SMARCC1: variants seen among roughly 807,000 people sequenced by gnomAD.
SMARCC1 encodes the protein SWI/SNF complex subunit SMARCC1.
SMARCC1 carries 43 observed loss-of-function variants against 147.4 expected under a neutral mutation model. The ratio of observed to expected loss-of-function variants is 0.29; its 90% confidence interval spans 0.23 to 0.38. The LOEUF is 0.38. Ranked by LOEUF, SMARCC1 falls within the 10% of genes least tolerant of loss-of-function variation. The probability of loss-of-function intolerance (pLI) is 1.00; values close to 1 mark genes in which losing one functional copy is unlikely to be tolerated. For missense variants in SMARCC1, 1,119 were observed against 1,381.1 expected, an observed-to-expected ratio of 0.81 and a Z score of 3.01; for synonymous variants, 495 against 484.4, an observed-to-expected ratio of 1.02 and a Z score of -0.29.
chr3:47,780,172 T>TTG (rs1553693489), intron 1 of SMARCC1, among the ~76,000 whole-genome samples: 14 of 134,234 alleles, frequency 1.0e-4, no homozygotes, highest in African/African-American at 1.6e-4. Flanking sequence ...TTTTTTGTTT[T>TTG]TTTTTTTTTT....
intron 2 of SMARCC1, among the ~76,000 whole-genome samples, chr3:47,765,410 T>A (rs955798357): frequency 6.6e-6 from 1 of 152,090 alleles, no homozygotes; most frequent in Non-Finnish European, 1.5e-5. Flanking sequence ...TATAATTATT[T>A]AAGTCAAAAT....
At chr3:47,752,505 G>C (rs1471773182) in intron 2 of SMARCC1, among the ~76,000 whole-genome samples, 1 of 152,158 alleles carries the variant, frequency 6.6e-6, no homozygotes, top group African/African-American at 2.4e-5. Context: ...TAAAAAGGCA[G>C]CCGGATGCAG....
At chr3:47,701,694 A>C in intron 10 of SMARCC1, 1 of 323,966 alleles carries the variant, frequency 3.1e-6, no homozygotes, top group Non-Finnish European at 5.8e-6. Context: ...GGCGCCTGTA[A>C]TCCCATCTGC....
At chr3:47,710,403 C>G (rs2034069902) in intron 9 of SMARCC1, among the ~76,000 whole-genome samples, 1 of 152,088 alleles carries the variant, frequency 6.6e-6, no homozygotes, top group African/African-American at 2.4e-5. Flanking sequence ...TATTACACTT[C>G]AGATCTAGTG....
chr3:47,743,092 C>T (rs2106837460), intron 3 of SMARCC1, among the ~76,000 whole-genome samples: 1 of 152,228 alleles, frequency 6.6e-6, no homozygotes, highest in East Asian at 1.9e-4. Flanking sequence ...AACTTTGGAC[C>T]TAAAGCCAGA....
chr3:47,685,944 T>C (rs1004036740), intron 14 of SMARCC1, 105 bp downstream of exon 14: 21 of 822,306 alleles, frequency 2.6e-5, no homozygotes, highest in Middle Eastern at 2.4e-4. Flanking sequence ...TCCAAAGTGA[T>C]AGTAATTTCT....
intron 21 of SMARCC1, among the ~76,000 whole-genome samples, chr3:47,648,560 T>C (rs1444463382): frequency 6.6e-6 from 1 of 152,016 alleles, no homozygotes. Flanking sequence ...CTAGGTTTTT[T>C]TTCTTTTTTG....
At chr3:47,604,235 G>T (rs1477668201) in intron 26 of SMARCC1, 2 of 456,750 alleles carry the variant, frequency 4.4e-6, no homozygotes, top group South Asian at 3.1e-5. Context: ...TTGTAGAGAA[G>T]AATTACATGT....
chr3:47,679,468 T>G (rs2033612808), intron 15 of SMARCC1, among the ~76,000 whole-genome samples: 1 of 152,172 alleles, frequency 6.6e-6, no homozygotes, highest in Non-Finnish European at 1.5e-5. Context: ...TCATCATATC[T>G]CTCTTTTAAT....
In SMARCC1 at chr3:47,723,004, A is replaced by T. The variant is rs1477554545; in HGVS notation, c.647-2269T>A. ...ACACTGGGGTACAGAGGTTGTCTCT[A>T]ATTGCCTGGTACCTCGCCCTGGAAT... is the stretch of plus-strand genomic sequence containing the variant. On this transcript the variant is annotated intron_variant, in intron 6 of 27. Coordinates refer to ENST00000254480, the MANE Select transcript of SMARCC1 (RefSeq NM_003074.4). Among the ~76,000 whole-genome samples the T allele has an allele frequency of 2.0e-5, 3 of 152,210 alleles. No homozygotes were observed. The East Asian group carries it at 5.8e-4, about 29-fold the overall frequency.
intron 26 of SMARCC1, among the ~76,000 whole-genome samples, chr3:47,600,743 C>T (rs11130141): frequency 0.91 from 138,917 of 152,024 alleles, 64,758 homozygotes; most frequent in East Asian, 1. Context: ...CAATTTCGCA[C>T]AAAGCAACCC....
At chr3:47,695,184 A>G (rs1445638205) in intron 11 of SMARCC1, among the ~76,000 whole-genome samples, 1 of 152,192 alleles carries the variant, frequency 6.6e-6, no homozygotes, top group Non-Finnish European at 1.5e-5. Context: ...TAATGCCCTT[A>G]TAACTGGGTG....
At chr3:47,780,787 C>CT (rs1014079732) in intron 1 of SMARCC1, among the ~76,000 whole-genome samples, 1 of 151,824 alleles carries the variant, frequency 6.6e-6, no homozygotes, top group African/African-American at 2.4e-5. Context: ...TCATTACACC[C>CT]TTTAAGGGAG....
chr3:47,652,700 A>G (rs941456886), intron 21 of SMARCC1, among the ~76,000 whole-genome samples: 1 of 151,784 alleles, frequency 6.6e-6, no homozygotes, highest in Non-Finnish European at 1.5e-5. Context: ...AAAAATCCCT[A>G]TACAATGTGG....
At chr3:47,597,339 A>G (rs1004395881) in intron 26 of SMARCC1, among the ~76,000 whole-genome samples, 4 of 151,738 alleles carry the variant, frequency 2.6e-5, no homozygotes, top group African/African-American at 9.7e-5. Flanking sequence ...TATTTATTTT[A>G]TTTTTTATTT....
intron 5 of SMARCC1, among the ~76,000 whole-genome samples, chr3:47,731,549 T>C (rs559451052): frequency 6.6e-4 from 100 of 152,342 alleles, no homozygotes; most frequent in African/African-American, 2.2e-3. Context: ...CCACTAACTA[T>C]AGCAGCTCTA....
At chr3:47,640,823 C>T (rs777694631) in intron 21 of SMARCC1, among the ~76,000 whole-genome samples, 4 of 151,418 alleles carry the variant, frequency 2.6e-5, no homozygotes, top group African/African-American at 2.4e-5. Flanking sequence ...TAATCACAAA[C>T]GAAAAACTAA....
intron 19 of SMARCC1, among the ~76,000 whole-genome samples, chr3:47,667,751 C>T (rs1419544749): frequency 6.6e-6 from 1 of 152,110 alleles, no homozygotes; most frequent in East Asian, 1.9e-4. Context: ...GTGGCGCGTG[C>T]CTGTAGTCCC....
chr3:47,781,645 C>T lies in SMARCC1; in HGVS notation c.153G>A (p.Gln51=), dbSNP rs1283544138. The part of the protein sequence containing the change: ...KFWESPETVS[Q]LDSVRVWLGK... Reference sequence around the variant, plus strand: ...CCAGCCAGACCCGCACCGAATCCAGCTGGGACACCGTCTCCGGGCTCTCCC... The same window carrying T: ...CCAGCCAGACCCGCACCGAATCCAGTTGGGACACCGTCTCCGGGCTCTCCC... Residue 51 remains glutamine (Q), a synonymous_variant, in exon 1 of 28, where the codon CAG becomes CAA. Coordinates refer to ENST00000254480, the MANE Select transcript of SMARCC1 (RefSeq NM_003074.4). 2 of 1,556,770 alleles carry T rather than the reference C, an allele frequency of 1.3e-6. No individual in the cohort carries two copies. Among genetic ancestry groups the T allele is most frequent in the South Asian group, 1.2e-5 (1 of 85,572 alleles).
Sources: allele counts gnomAD v4.1 joint callset (sites outside exome capture counted in the v4.1 genomes callset), GRCh38; gene constraint gnomAD v4.1.1; transcripts MANE v1.5; gene names NCBI Gene and HGNC (gene_info 2026-07-23, HGNC 2026-07-21).